Variants in DNAJC3 observed in about 807,000 individuals in gnomAD.
The protein encoded by DNAJC3 is dnaJ homolog subfamily C member 3.
DNAJC3 carries 38 observed loss-of-function variants against 68.6 expected under a neutral mutation model. That is an observed-to-expected ratio of 0.55 (90% CI 0.43 to 0.73). The LOEUF (loss-of-function observed/expected upper bound fraction) is 0.73. Among genes scored for constraint, DNAJC3 ranks in the 30% least tolerant of loss-of-function variants. DNAJC3 has a pLI of 0.00. For synonymous variants in DNAJC3, 203 were observed against 204.0 expected (o/e 1.00, Z 0.04); for missense variants, 526 against 591.9 (o/e 0.89, Z 1.16).
Position 95,746,777 on chromosome 13 carries a change from T to C in DNAJC3, c.394-10867T>C, listed in dbSNP as rs371453503. 9.8e-5 allele frequency among the ~76,000 whole-genome samples: 15 copies of C among 152,324 alleles called. No homozygotes were observed. In the South Asian group the frequency reaches 1.7e-3, roughly 17 times the overall value. On this transcript the variant is annotated intron_variant, in intron 4 of 11. Transcript: ENST00000602402. ...AGCCAGGTGGATATGTTTAGCTACA[T>C]TTTATATAAAAGAACAAAAATTTGA...
chr13:95,763,851 G>T lies in DNAJC3; in HGVS notation c.973G>T (p.Ala325Ser). 1.2e-6 allele frequency: 2 copies of T among 1,614,084 alleles called. No homozygotes were observed. The highest frequency in any genetic ancestry group is 1.7e-6 in the Non-Finnish European group (2 of 1,179,966). Residue 325 changes from alanine to serine, a missense_variant, in exon 9 of 12, where the codon GCT becomes TCT. Transcript: ENST00000602402. ...CFSKDEKPVE[A>S]IRVCSEVLQM... ...CTTTTAGGACGAGAAGCCTGTTGAA[G>T]CTATTAGGGTTTGTTCTGAAGTTTT...
At chr13:95,722,893 G>A (rs1243591142) in intron 2 of DNAJC3, among the ~76,000 whole-genome samples, 5 of 136,506 alleles carry the variant, frequency 3.7e-5, no homozygotes, top group African/African-American at 8.2e-5. Context: ...AGGGGTTTGC[G>A]AACTTTTTTT....
chr13:95,706,329 G>A (rs562031819), intron 1 of DNAJC3, among the ~76,000 whole-genome samples: 28 of 152,304 alleles, frequency 1.8e-4, no homozygotes, highest in Non-Finnish European at 3.7e-4. Context: ...ACAAAAAACG[G>A]TTTGTTGACC....
chr13:95,701,732 A>G (rs1880591321), intron 1 of DNAJC3, among the ~76,000 whole-genome samples: 1 of 152,220 alleles, frequency 6.6e-6, no homozygotes, highest in African/African-American at 2.4e-5. Flanking sequence ...TATACCAGCC[A>G]CTAGTTATTG....
chr13:95,746,113 G>A (rs73552767), intron 4 of DNAJC3, among the ~76,000 whole-genome samples: 2,600 of 152,270 alleles, frequency 0.017, 78 homozygotes, highest in African/African-American at 0.06. Context: ...GAAGCACTGC[G>A]CTGTTCTGCC....
At chr13:95,733,727 T>TA (rs1199743730) in intron 4 of DNAJC3, among the ~76,000 whole-genome samples, 3 of 137,338 alleles carry the variant, frequency 2.2e-5, no homozygotes, top group Admixed American at 7.3e-5. Flanking sequence ...TTTTTTTTTT[T>TA]AACAGTTCTG....
At position 95,757,670 on chromosome 13, in the gene DNAJC3, A is replaced by C. The variant is rs758891517; in HGVS notation, c.420A>C (p.Glu140Asp). ...KVLKSNPSEN[E>D]EKEAQSQLIK... ...TCAAATCTAATCCAAGTGAAAATGA[A>C]GAAAAGGAAGCACAGTCTCAACTTA... is the stretch of plus-strand genomic sequence containing the variant. The change falls in exon 5 of 12, where the codon GAA (glutamate) becomes GAC (aspartate). Residue 140 changes from glutamate (E) to aspartate (D), a missense_variant. Coordinates refer to ENST00000602402, the MANE Select transcript of DNAJC3 (RefSeq NM_006260.5). 3 of 1,570,998 alleles carry C rather than the reference A, an allele frequency of 1.9e-6. No individual in the cohort carries two copies. The Admixed American group carries it at 5.1e-5, about 27-fold the overall frequency.
chr13:95,686,282 GTTCT>G (rs1674892541), intron 1 of DNAJC3, among the ~76,000 whole-genome samples: 2 of 152,280 alleles, frequency 1.3e-5, no homozygotes, highest in African/African-American at 4.8e-5. Flanking sequence ...TTTTAATGGG[GTTCT>G]TTGTTTTCTT....
At chr13:95,771,878 T>C in intron 9 of DNAJC3, among the ~76,000 whole-genome samples, 1 of 145,590 alleles carries the variant, frequency 6.9e-6, no homozygotes, top group Non-Finnish European at 1.5e-5. Flanking sequence ...AATACAGCCA[T>C]GTATAGTATG....
intron 7 of DNAJC3, 52 bp from the exon 8 acceptor site, chr13:95,763,591 G>C (rs1401261560): frequency 1.7e-5 from 27 of 1,564,208 alleles, no homozygotes; most frequent in Non-Finnish European, 2.1e-5. Context: ...CCTTTCTACA[G>C]CTCTGGAAAT....
chr13:95,748,131 C>T (rs574955266), intron 4 of DNAJC3, among the ~76,000 whole-genome samples: 6 of 152,146 alleles, frequency 3.9e-5, no homozygotes, highest in East Asian at 1.9e-4. Flanking sequence ...TTTGGGCTTA[C>T]GTGGATAATA....
intron 9 of DNAJC3, among the ~76,000 whole-genome samples, chr13:95,772,846 G>C (rs1883192010): frequency 6.6e-6 from 1 of 152,102 alleles, no homozygotes; most frequent in African/African-American, 2.4e-5. Flanking sequence ...ACTCTTCTTG[G>C]ACAGGAATTT....
chr13:95,788,561 A>G (rs542435030), intron 11 of DNAJC3, among the ~76,000 whole-genome samples: 5 of 152,388 alleles, frequency 3.3e-5, no homozygotes, highest in South Asian at 2.1e-4. Flanking sequence ...GTAGAATCAC[A>G]TGATGTATGC....
intron 4 of DNAJC3, among the ~76,000 whole-genome samples, chr13:95,746,891 C>T (rs962328279): frequency 1.3e-5 from 2 of 152,112 alleles, no homozygotes; most frequent in African/African-American, 2.4e-5. Flanking sequence ...TGAGGGTTGC[C>T]TGCATAAAAG....
In DNAJC3 at chr13:95,791,160, G is replaced by GA. The variant is rs551779326; in HGVS notation, c.*136dup. 6.2e-4 allele frequency: 657 copies of GA among 1,060,292 alleles called. 2 individuals carry two copies. Among genetic ancestry groups the GA allele is most frequent in the Non-Finnish European group, 6.6e-4 (488 of 736,810 alleles). The allele number at this position is 1,060,292 out of a possible 1,614,324, so 65.7% of individuals were successfully genotyped here. ...CATGACCAAAGAGTTGCTTTAATAGGAAAAAATCTGTTCTTATCCCTGTCA... is the reference window on the plus strand; with the variant it reads ...CATGACCAAAGAGTTGCTTTAATAGGAAAAAAATCTGTTCTTATCCCTGTCA... On this transcript the variant is annotated 3_prime_UTR_variant, in exon 12 of 12. Transcript: ENST00000602402.
At chr13:95,741,375 G>T (rs1882137948) in intron 4 of DNAJC3, among the ~76,000 whole-genome samples, 1 of 152,208 alleles carries the variant, frequency 6.6e-6, no homozygotes, top group South Asian at 2.1e-4. Context: ...TTAGGGTGCA[G>T]TTGTTATTGG....
At chr13:95,726,426 T>A (rs986744713) in intron 4 of DNAJC3, among the ~76,000 whole-genome samples, 1 of 152,208 alleles carries the variant, frequency 6.6e-6, no homozygotes, top group African/African-American at 2.4e-5. Context: ...TGATGGCCAG[T>A]GATGATGAGC....
At chr13:95,748,373 T>G (rs1882372616) in intron 4 of DNAJC3, among the ~76,000 whole-genome samples, 1 of 152,242 alleles carries the variant, frequency 6.6e-6, no homozygotes, top group African/African-American at 2.4e-5. Flanking sequence ...CCTTTGGTAG[T>G]CTGTGGATCT....
chr13:95,790,800 C>G, intron 11 of DNAJC3, 73 bp from the exon 12 acceptor site: 1 of 1,466,520 alleles, frequency 6.8e-7, no homozygotes, highest in Non-Finnish European at 9.3e-7. Context: ...CCCTCCTCTG[C>G]CCAAAGAAAA....
Sources: allele counts gnomAD v4.1 joint callset (sites outside exome capture counted in the v4.1 genomes callset), GRCh38; gene constraint gnomAD v4.1.1; transcripts MANE v1.5; gene names NCBI Gene and HGNC (gene_info 2026-07-23, HGNC 2026-07-21).